Variants in PUM1 observed in about 807,000 individuals in gnomAD.
PUM1 encodes the protein pumilio RNA binding family member 1, also known as pumilio homolog 1.
PUM1 carries 13 observed loss-of-function variants against 131.8 expected under a neutral mutation model. The observed-to-expected ratio is 0.10, with a 90% CI of 0.06 to 0.16. The LOEUF is 0.16. PUM1 is among the 10% of genes least tolerant of loss of function. The probability of loss-of-function intolerance (pLI) is 1.00; values close to 1 mark genes in which losing one functional copy is unlikely to be tolerated. For missense variants in PUM1, 961 were observed against 1,512.4 expected (o/e 0.64, Z 6.05); for synonymous variants, 509 against 556.5 (o/e 0.91, Z 1.20).
At chr1:30,969,581 A>G (rs1640788447) in intron 10 of PUM1, among the ~76,000 whole-genome samples, 1 of 151,684 alleles carries the variant, frequency 6.6e-6, no homozygotes, top group Non-Finnish European at 1.5e-5. Flanking sequence ...CCACAAACAT[A>G]CGCATTAGTC....
At chr1:30,974,605 A>G (rs1265375217) in intron 10 of PUM1, 46 bp downstream of exon 10, 2 of 1,532,894 alleles carry the variant, frequency 1.3e-6, no homozygotes, top group Non-Finnish European at 1.8e-6. Flanking sequence ...ATTATCCACA[A>G]TACTACGATT....
intron 3 of PUM1, among the ~76,000 whole-genome samples, chr1:31,021,625 C>G (rs1325888309): frequency 6.6e-6 from 1 of 152,076 alleles, no homozygotes; most frequent in East Asian, 1.9e-4. Flanking sequence ...TGAAACAGTA[C>G]TTTAGAGTCC....
At chr1:31,030,785 AACTAAC>A (rs943540589) in intron 2 of PUM1, among the ~76,000 whole-genome samples, 2 of 152,142 alleles carry the variant, frequency 1.3e-5, no homozygotes, top group African/African-American at 4.8e-5. Context: ...TAACTGTCAG[AACTAAC>A]ACTGCAAAAA....
intron 2 of PUM1, among the ~76,000 whole-genome samples, chr1:31,038,011 G>A (rs1419725551): frequency 6.6e-6 from 1 of 151,596 alleles, no homozygotes; most frequent in Admixed American, 6.6e-5. Context: ...CTCAGGAGGC[G>A]GAAGTTGCAG....
chr1:31,038,984 A>ATATATATATTTTTTTTTTTTTT, intron 2 of PUM1, among the ~76,000 whole-genome samples: 7 of 49,416 alleles, frequency 1.4e-4, no homozygotes, highest in African/African-American at 8.3e-4. Context: ...ATATATATAT[A>ATATATATATTTTTTTTTTTTTT]TTTTTTTTTT....
intron 3 of PUM1, among the ~76,000 whole-genome samples, chr1:31,018,775 T>C (rs1642916047): frequency 6.6e-6 from 1 of 151,964 alleles, no homozygotes; most frequent in African/African-American, 2.4e-5. Flanking sequence ...ATCATTGGAG[T>C]TCTTTTAATT....
intron 3 of PUM1, 44 bp downstream of exon 3, chr1:31,028,752 C>T: frequency 6.9e-7 from 1 of 1,457,752 alleles, no homozygotes; most frequent in Non-Finnish European, 9.6e-7. Context: ...CTCCAACCTT[C>T]CCTTAAAAAC....
In PUM1 at chr1:30,966,246, C is replaced by T. The variant is rs779176257; in HGVS notation, c.1822G>A (p.Ala608Thr). 3.7e-6 allele frequency: 6 copies of T among 1,606,510 alleles called. No individual in the cohort carries two copies. Among genetic ancestry groups the T allele is most frequent in the Non-Finnish European group, 5.1e-6 (6 of 1,174,420 alleles). Residue 608 changes from alanine to threonine, a missense_variant, in exon 13 of 22, where the codon GCA becomes ACA. Physicochemically the swap from Ala to Thr is moderately conservative, Grantham distance 58. This residue lies in a region of PUM1 where 654 missense variants were observed against 923.9 expected (regional missense o/e 0.71). Transcript: ENST00000426105. Reference sequence around the variant, plus strand: ...GTTGTTCCAGCAAGACCACCAGCTGCTCCATTTGCTGAAGCTGCGGCTGCT... The same window carrying T: ...GTTGTTCCAGCAAGACCACCAGCTGTTCCATTTGCTGAAGCTGCGGCTGCT... ...VAAAAASANGAAGGLAGTTNG... is the reference protein window; with the variant it reads ...VAAAAASANGTAGGLAGTTNG...
intron 3 of PUM1, among the ~76,000 whole-genome samples, chr1:31,025,995 G>A (rs759919879): frequency 2.6e-5 from 4 of 152,192 alleles, no homozygotes; most frequent in Non-Finnish European, 4.4e-5. Context: ...GCTCAAGCCT[G>A]TAATCCTAGC....
intron 21 of PUM1, chr1:30,935,903 C>CT (rs1423649203): frequency 6.2e-6 from 2 of 324,520 alleles, no homozygotes; most frequent in African/African-American, 5.1e-5. Context: ...CACACCCTGC[C>CT]TGTGGGTCTG....
rs760836521 is a variant in PUM1 at position 30,967,208 on chromosome 1, G to C, written c.1748C>G (p.Ala583Gly). Residue 583 changes from alanine to glycine, a missense_variant, in exon 12 of 22, where the codon GCT becomes GGT. By Grantham distance (60) the Ala-to-Gly change is moderately conservative. Transcript: ENST00000426105. The part of the protein sequence containing the change: ...NGLGAPVRLV[A>G]PAPVIISSSA... ...GGAACTAATGATGACTGGGGCAGGA[G>C]CTACAAGTCGAACAGGAGCTCCAAG... The C allele has an allele frequency of 6.2e-7, 1 of 1,614,142 alleles. No homozygotes were observed. The highest frequency in any genetic ancestry group is 1.7e-5 in the Admixed American group (1 of 60,028).
chr1:30,963,964 C>T (rs1640522068), intron 14 of PUM1, among the ~76,000 whole-genome samples: 1 of 152,114 alleles, frequency 6.6e-6, no homozygotes, highest in African/African-American at 2.4e-5. Context: ...AAGAAAACAT[C>T]TCCCATGTCC....
At chr1:30,979,955 A>C (rs1206929765) in intron 9 of PUM1, 107 bp downstream of exon 9, 1 of 734,996 alleles carries the variant, frequency 1.4e-6, no homozygotes, top group Non-Finnish European at 2.2e-6. Flanking sequence ...AAATCTGGAT[A>C]ATCTCCACTG....
In PUM1 at chr1:31,044,159, T is replaced by C. The variant is rs540365078; in HGVS notation, c.363+15045A>G. Among the ~76,000 whole-genome samples the C allele has an allele frequency of 5.6e-4, 86 of 152,230 alleles. 1 individual carries two copies. The Middle Eastern group carries it at 0.048, about 84-fold the overall frequency. ...GCTCACACCTGTAATCCCAGCACTTTGGGAGGCCGAGGCAGGTGGATCACG... is the reference window on the plus strand; with the variant it reads ...GCTCACACCTGTAATCCCAGCACTTCGGGAGGCCGAGGCAGGTGGATCACG... On this transcript the variant is annotated intron_variant, in intron 2 of 21. Coordinates refer to ENST00000426105, the MANE Select transcript of PUM1 (RefSeq NM_001020658.2).
At chr1:31,008,680 G>T (rs1642482718) in intron 3 of PUM1, among the ~76,000 whole-genome samples, 1 of 151,982 alleles carries the variant, frequency 6.6e-6, no homozygotes, top group African/African-American at 2.4e-5. Flanking sequence ...CGTTCAAGTT[G>T]CTGTGATGAT....
chr1:31,005,604 T>C (rs558072205), intron 5 of PUM1, among the ~76,000 whole-genome samples: 1 of 152,304 alleles, frequency 6.6e-6, no homozygotes, highest in East Asian at 1.9e-4. Flanking sequence ...TCAGTTCTTA[T>C]CTCACAATAC....
chr1:30,970,353 G>T (rs916132893), intron 10 of PUM1, among the ~76,000 whole-genome samples: 6 of 152,196 alleles, frequency 3.9e-5, no homozygotes, highest in Non-Finnish European at 7.3e-5. Context: ...GGGATGTGTG[G>T]ACACTTAATT....
At chr1:30,979,278 A>G (rs191743855) in intron 9 of PUM1, among the ~76,000 whole-genome samples, 47 of 152,374 alleles carry the variant, frequency 3.1e-4, no homozygotes, top group African/African-American at 1.1e-3. Flanking sequence ...GACCAAAGAC[A>G]GGGGCCTAAA....
intron 10 of PUM1, among the ~76,000 whole-genome samples, chr1:30,969,638 C>CTT (rs912580901): frequency 6.8e-6 from 1 of 146,446 alleles, no homozygotes. Context: ...AAAGGATCTA[C>CTT]TTTTTTTTTT....
Sources: gnomAD v4.1 joint callset for allele counts (sites outside exome capture counted in the v4.1 genomes callset) on GRCh38, gnomAD v4.1.1 for gene constraint, gnomAD v4.1.1 regional missense constraint, MANE v1.5 for transcripts, NCBI Gene and HGNC (gene_info 2026-07-23, HGNC 2026-07-21) for gene names.